KIF15: variants seen among roughly 807,000 people sequenced by gnomAD.
KIF15 encodes the protein kinesin-like protein KIF15.
Under a neutral mutation model 190.6 loss-of-function variants are expected in KIF15, and 140 were observed. That is an observed-to-expected ratio of 0.73 (90% confidence interval 0.64 to 0.84). The LOEUF is 0.84. KIF15 is among the 40% of genes least tolerant of loss of function. The probability of loss-of-function intolerance (pLI) is 0.00; values close to 1 mark genes in which losing one functional copy is unlikely to be tolerated. For synonymous variants in KIF15, 528 were observed against 551.3 expected, an observed-to-expected ratio of 0.96 and a Z score of 0.59; for missense variants, 1,372 against 1,584.4, an observed-to-expected ratio of 0.87 and a Z score of 2.28.
chr3:44,841,707 T>C (rs114143229), intron 29 of KIF15, among the ~76,000 whole-genome samples: 2,832 of 152,214 alleles, frequency 0.019, 76 homozygotes, highest in African/African-American at 0.063. Flanking sequence ...CAATTTAATT[T>C]TTTAAACTAA....
intron 20 of KIF15, 54 bp from the exon 21 acceptor site, chr3:44,825,985 A>G: frequency 6.8e-7 from 1 of 1,460,556 alleles, no homozygotes; most frequent in Non-Finnish European, 9.3e-7. Context: ...GATCTGATTA[A>G]TAGAAATACA....
At chr3:44,850,951 AT>A (rs1699039757) in intron 32 of KIF15, among the ~76,000 whole-genome samples, 1 of 152,174 alleles carries the variant, frequency 6.6e-6, no homozygotes, top group South Asian at 2.1e-4. Context: ...TCAACATTAC[AT>A]TTCATGAGCA....
At chr3:44,816,435 C>G (rs1490533346) in intron 20 of KIF15, among the ~76,000 whole-genome samples, 1 of 151,414 alleles carries the variant, frequency 6.6e-6, no homozygotes, top group Non-Finnish European at 1.5e-5. Flanking sequence ...GTTCCCCGCC[C>G]TGTGTCCACG....
At chr3:44,767,299 A>G (rs1352062967) in intron 1 of KIF15, among the ~76,000 whole-genome samples, 1 of 152,166 alleles carries the variant, frequency 6.6e-6, no homozygotes, top group Non-Finnish European at 1.5e-5. Flanking sequence ...ATAAAGAGAT[A>G]TTGCTGGCTT....
chr3:44,773,230 G>A (rs1355646036), intron 1 of KIF15, among the ~76,000 whole-genome samples: 3 of 152,134 alleles, frequency 2.0e-5, no homozygotes, highest in African/African-American at 7.2e-5. Flanking sequence ...CTTGAAAGAT[G>A]CCTGAAAGGA....
chr3:44,849,046 T>G (rs187083664), intron 32 of KIF15, among the ~76,000 whole-genome samples: 470 of 152,348 alleles, frequency 3.1e-3, no homozygotes, highest in Non-Finnish European at 5.3e-3. Context: ...ATGAGCAAGG[T>G]GTACTATATT....
rs144062889 is a variant in KIF15, at chr3:44,860,767, A to G, written c.*59+7973A>G. Among the ~76,000 whole-genome samples the G allele has an allele frequency of 3.5e-3, 533 of 152,346 alleles. 1 individual carries two copies. Among genetic ancestry groups the G allele is most frequent in the African/African-American group, 0.012 (519 of 41,574 alleles). On this transcript the variant is annotated intron_variant and NMD_transcript_variant, in intron 6 of 6. Coordinates refer to the KIF15 transcript ENST00000422209. ...TAAAAACTTGCTAAACAGAAGATAC[A>G]AAAAGAATGCTGCTAAACAGTATGT...
chr3:44,843,235 G>A lies in KIF15; in HGVS notation c.3695+1G>A, dbSNP rs1698691433. On this transcript the variant is annotated splice_donor_variant, in intron 30 of 34. Coordinates refer to ENST00000326047, the MANE Select transcript of KIF15 (RefSeq NM_020242.3). LOFTEE classifies it high-confidence loss of function. ...ATATTAAAAGACAAAAGGAAAACAG[G>A]TGAGAAAGAACCACGAGAACTCTAT... 1 of 1,599,468 alleles carries A rather than the reference G, an allele frequency of 6.3e-7. No homozygotes were observed. The highest frequency in any genetic ancestry group is 8.6e-7 in the Non-Finnish European group (1 of 1,168,614).
Position 44,829,691 on chromosome 3 carries a change from G to T in KIF15, c.2944-280G>T, listed in dbSNP as rs867465422. Among the ~76,000 whole-genome samples the T allele has an allele frequency of 1.2e-3, 140 of 118,734 alleles. 2 individuals are homozygous for T. The highest frequency in any genetic ancestry group is 4.4e-3 in the African/African-American group (121 of 27,668). The allele number at this position is 118,734 out of a possible 152,430, so 77.9% of individuals were successfully genotyped here. A position where few individuals can be genotyped will look rare whatever the true frequency, so the allele number is the denominator to read the frequency against. Reference sequence around the variant, plus strand: ...ATATAATATATGTATATATATTATAGATGTATATATATTATAGATGTATAT... The same window carrying T: ...ATATAATATATGTATATATATTATATATGTATATATATTATAGATGTATAT... On this transcript the variant is annotated intron_variant, in intron 24 of 34. Coordinates refer to ENST00000326047, the MANE Select transcript of KIF15 (RefSeq NM_020242.3).
At chr3:44,805,695 G>C in intron 15 of KIF15, 150 bp from the exon 16 acceptor site, 1 of 798,154 alleles carries the variant, frequency 1.3e-6, no homozygotes, top group African/African-American at 1.7e-5. Flanking sequence ...TTACTGAACT[G>C]GAGAATGATG....
intron 6 of KIF15, chr3:44,861,970 G>A: frequency 1.4e-6 from 2 of 1,393,568 alleles, no homozygotes; most frequent in Admixed American, 3.5e-5. Context: ...GTCCGCGACC[G>A]CGTACCCTGA....
downstream of KIF15, among the ~76,000 whole-genome samples, chr3:44,855,149 G>A (rs1417689967): frequency 3.3e-5 from 5 of 152,196 alleles, no homozygotes; most frequent in Non-Finnish European, 5.9e-5. Flanking sequence ...TGTGATTATC[G>A]TTAGTTCTTA....
rs1706329186 is a variant in KIF15 at position 44,784,745 on chromosome 3, CTGAT to C, written c.362-97_362-94del. The C allele has an allele frequency of 9.0e-6, 6 of 668,482 alleles. No individual in the cohort carries two copies. The South Asian group carries it at 1.1e-4, about 12-fold the overall frequency. The allele number at this position is 668,482 out of a possible 1,614,324, so 41.4% of individuals were successfully genotyped here. On this transcript the variant is annotated intron_variant, in intron 5 of 34. Coordinates refer to ENST00000326047, the MANE Select transcript of KIF15 (RefSeq NM_020242.3). The stretch of plus-strand genomic sequence containing the variant: ...ACTTGCTTGGAGCACAAGTAGGAAA[CTGAT>C]TGTATGGTGTATCATCTAATTTCTG...
Position 44,867,717 on chromosome 3 carries a change from A to C in KIF15, c.*60-5612A>C, listed in dbSNP as rs560546675. ...TACAAGATGTAAGATTTTTTCTAAG[A>C]GGAAGATCAGTCATTCTTCAAAAAG... On this transcript the variant is annotated intron_variant and NMD_transcript_variant, in intron 6 of 6. Transcript: ENST00000422209. 2.6e-5 allele frequency among the ~76,000 whole-genome samples: 4 copies of C among 152,382 alleles called. No individual in the cohort carries two copies. In the East Asian group the frequency reaches 7.7e-4, roughly 29 times the overall value.
chr3:44,776,990 A>ATTTTTTTTTTTTT, intron 3 of KIF15, among the ~76,000 whole-genome samples: 1 of 116,856 alleles, frequency 8.6e-6, no homozygotes. Flanking sequence ...AACATCACAG[A>ATTTTTTTTTTTTT]TTTTTTTTTT....
At chr3:44,837,661 C>T (rs1478128967) in intron 26 of KIF15, among the ~76,000 whole-genome samples, 1 of 151,760 alleles carries the variant, frequency 6.6e-6, no homozygotes, top group Admixed American at 6.6e-5. Flanking sequence ...CATATATATA[C>T]ATTTGGAAAG....
chr3:44,790,695 C>CTTT (rs56414094), intron 7 of KIF15, among the ~76,000 whole-genome samples: 86 of 97,828 alleles, frequency 8.8e-4, no homozygotes, highest in East Asian at 1.4e-3. Flanking sequence ...TTTTCTGTTT[C>CTTT]TTTTTTTTTT....
At chr3:44,867,666 A>G (rs1180521851) in intron 6 of KIF15, among the ~76,000 whole-genome samples, 2 of 152,204 alleles carry the variant, frequency 1.3e-5, no homozygotes, top group Non-Finnish European at 1.5e-5. Context: ...GATGTACAAG[A>G]TGTATTTGTA....
intron 30 of KIF15, among the ~76,000 whole-genome samples, chr3:44,844,419 T>A (rs953185192): frequency 3.9e-5 from 6 of 152,224 alleles, no homozygotes; most frequent in African/African-American, 1.4e-4. Context: ...CACAGTCTGC[T>A]CACCTAGTTT....
Sources: allele counts gnomAD v4.1 joint callset (sites outside exome capture counted in the v4.1 genomes callset), GRCh38; gene constraint gnomAD v4.1.1; transcripts MANE v1.5; gene names NCBI Gene and HGNC (gene_info 2026-07-23, HGNC 2026-07-21).